Variants in KLHL25 observed in about 807,000 individuals in gnomAD.
KLHL25 encodes the protein kelch-like protein 25.
KLHL25 carries 41 observed loss-of-function variants against 30.0 expected under a neutral mutation model. The ratio of observed to expected loss-of-function variants is 1.37; its 90% CI spans 1.07 to 1.78. The LOEUF is 1.78. Among genes scored for constraint, KLHL25 ranks in the 40% most tolerant of loss-of-function variants. The probability of loss-of-function intolerance (pLI) is 0.00; values close to 1 mark genes in which losing one functional copy is unlikely to be tolerated. For synonymous variants in KLHL25, 399 were observed against 355.3 expected, an observed-to-expected ratio of 1.12 and a Z score of -1.38; for missense variants, 971 against 824.5, an observed-to-expected ratio of 1.18 and a Z score of -2.18.
At chr15:85,767,014 A>T (rs2089629762) in intron 2 of KLHL25, among the ~76,000 whole-genome samples, 1 of 139,668 alleles carries the variant, frequency 7.2e-6, no homozygotes, top group African/African-American at 2.7e-5. Context: ...TTTTTTTGAG[A>T]CGGAGTCTCA....
In KLHL25 at chr15:85,769,009, C is replaced by A. The variant is rs1473388854; in HGVS notation, c.802G>T (p.Glu268Ter). Residue 268 changes from glutamate (E) to a stop codon, truncating the protein, a stop_gained, in exon 2 of 3, where the codon GAG becomes TAG. Transcript: ENST00000337975. LOFTEE classifies it high-confidence loss of function. Reference protein sequence around the residue: ...ADERTKLIMDEALRCKTRILQ... With the variant: ...ADERTKLIMD ...ATCCTGGTCTTGCAGCGCAGGGCCT[C>A]ATCCATGATAAGCTTGGTGCGCTCG... 3.7e-6 allele frequency: 6 copies of A among 1,611,422 alleles called. No individual in the cohort carries two copies. The highest frequency in any genetic ancestry group is 4.2e-6 in the Non-Finnish European group (5 of 1,179,594).
At chr15:85,766,536 C>T (rs542993562) in intron 2 of KLHL25, among the ~76,000 whole-genome samples, 3 of 152,216 alleles carry the variant, frequency 2.0e-5, no homozygotes, top group Non-Finnish European at 4.4e-5. Context: ...GGGAAGACCC[C>T]GCCCCCAGCT....
Position 85,768,863 on chromosome 15 carries a change from CT to C in KLHL25, c.947del (p.Lys316ArgfsTer29), listed in dbSNP as rs765151928. 1 of 1,613,360 alleles carries C rather than the reference CT, an allele frequency of 6.2e-7. No individual in the cohort carries two copies. Among genetic ancestry groups the C allele is most frequent in the South Asian group, 1.1e-5 (1 of 91,088 alleles). ...CGGCCTTGGGGATGATCTCCTTGGC[CT>C]TGTGGTCCACCTGGTAGATCTTGTC... is the stretch of plus-strand genomic sequence containing the variant. ...MCDKIYQVDHKAKEIIPKADL... is the reference protein window; with the variant it reads ...MCDKIYQVDHXAKEIIPKADL... On this transcript the variant is annotated frameshift_variant, in exon 2 of 3. Coordinates refer to ENST00000337975, the MANE Select transcript of KLHL25 (RefSeq NM_022480.4). LOFTEE classifies it high-confidence loss of function.
At chr15:85,777,740 C>T (rs984637772) in intron 1 of KLHL25, among the ~76,000 whole-genome samples, 4 of 152,168 alleles carry the variant, frequency 2.6e-5, no homozygotes, top group Admixed American at 6.5e-5. Flanking sequence ...CGGTGCACCA[C>T]GCTGGGCCCT....
At chr15:85,780,848 C>T (rs1209453337) in intron 1 of KLHL25, among the ~76,000 whole-genome samples, 1 of 152,224 alleles carries the variant, frequency 6.6e-6, no homozygotes, top group African/African-American at 2.4e-5. Flanking sequence ...TGCATGTGCC[C>T]TCTGCCCCAG....
chr15:85,763,822 G>C (rs1469537374), intron 2 of KLHL25: 1 of 152,320 alleles, frequency 6.6e-6, no homozygotes, highest in Non-Finnish European at 1.5e-5. Context: ...AGTAGCGTCA[G>C]GGAGGGAAAC....
At chr15:85,790,930 G>A (rs1404983751) in intron 1 of KLHL25, among the ~76,000 whole-genome samples, 2 of 151,680 alleles carry the variant, frequency 1.3e-5, no homozygotes, top group East Asian at 1.9e-4. Flanking sequence ...GGCCAGGTGC[G>A]GTGGCTCACA....
At chr15:85,761,968 A>C (rs1469968962) in intron 2 of KLHL25, 1 of 152,286 alleles carries the variant, frequency 6.6e-6, no homozygotes, top group African/African-American at 2.4e-5. Flanking sequence ...CACTGAAGCC[A>C]GCACTGAGGC....
chr15:85,793,408 T>C (rs2151814846), intron 1 of KLHL25, among the ~76,000 whole-genome samples: 1 of 152,260 alleles, frequency 6.6e-6, no homozygotes, highest in African/African-American at 2.4e-5. Context: ...TACGTCAACC[T>C]TCACAGGCAC....
At chr15:85,791,360 T>C (rs1356622891) in intron 1 of KLHL25, among the ~76,000 whole-genome samples, 2 of 151,918 alleles carry the variant, frequency 1.3e-5, no homozygotes, top group Non-Finnish European at 2.9e-5. Context: ...CCAGGCATGG[T>C]GGTGTGTGCC....
chr15:85,768,374 G>A lies in KLHL25; in HGVS notation c.1437C>T (p.Pro479=). The A allele has an allele frequency of 1.9e-6, 3 of 1,613,758 alleles. No homozygotes were observed. The highest frequency in any genetic ancestry group is 2.5e-6 in the Non-Finnish European group (3 of 1,180,026). ...ENRWTIKAEC[P]QPWRYTAAAV... is the part of the protein sequence containing the mutation. ...CAGCGGCTGTGTACCGCCAAGGCTG[G>A]GGGCACTCGGCCTTGATCGTCCACC... Residue 479 remains proline, a synonymous_variant, in exon 2 of 3, where the codon CCC becomes CCT. Transcript: ENST00000337975.
At chr15:85,770,527 G>T in intron 1 of KLHL25, 1 of 534,446 alleles carries the variant, frequency 1.9e-6, no homozygotes, top group Non-Finnish European at 3.8e-6. Flanking sequence ...GCTCAGTGGA[G>T]ACATGTTCTC....
At chr15:85,788,056 C>CAAAAAAAAAAA (rs60547525) in intron 1 of KLHL25, among the ~76,000 whole-genome samples, 10 of 58,298 alleles carry the variant, frequency 1.7e-4, no homozygotes, top group Non-Finnish European at 2.8e-4. Context: ...AACTAGATCT[C>CAAAAAAAAAAA]AAAAAAAAAA....
At chr15:85,787,013 A>G (rs2089785488) in intron 1 of KLHL25, among the ~76,000 whole-genome samples, 1 of 152,144 alleles carries the variant, frequency 6.6e-6, no homozygotes, top group African/African-American at 2.4e-5. Context: ...CACTCAATAA[A>G]CTTTGATCTT....
chr15:85,786,187 C>A (rs573108240), intron 1 of KLHL25, among the ~76,000 whole-genome samples: 125 of 152,300 alleles, frequency 8.2e-4, no homozygotes, highest in African/African-American at 2.9e-3. Context: ...CCATTGTCCC[C>A]TTGGTTACCC....
At position 85,779,791 on chromosome 15, in the gene KLHL25, G is replaced by A. The variant is rs900187683; in HGVS notation, c.-10-9971C>T. 2.6e-5 allele frequency among the ~76,000 whole-genome samples: 4 copies of A among 152,306 alleles called. No individual in the cohort carries two copies. In the East Asian group the frequency reaches 7.7e-4, roughly 29 times the overall value. ...TCAGGAACCTTAGTCTAGTGTCTTT[G>A]TGGTTGTCAACTGTAAATTGTAATG... On this transcript the variant is annotated intron_variant, in intron 1 of 2. Coordinates refer to ENST00000337975, the MANE Select transcript of KLHL25 (RefSeq NM_022480.4).
chr15:85,772,472 T>A (rs2089682723), intron 1 of KLHL25, among the ~76,000 whole-genome samples: 1 of 152,142 alleles, frequency 6.6e-6, no homozygotes, highest in East Asian at 1.9e-4. Flanking sequence ...ACACTCCAAG[T>A]GTGGGGTGAG....
intron 1 of KLHL25, among the ~76,000 whole-genome samples, chr15:85,788,675 G>A (rs1003154765): frequency 6.6e-6 from 1 of 152,186 alleles, no homozygotes; most frequent in Non-Finnish European, 1.5e-5. Context: ...ATCAGACGCT[G>A]AGCTCCCAAG....
At chr15:85,781,217 C>A (rs564318144) in intron 1 of KLHL25, among the ~76,000 whole-genome samples, 1 of 152,278 alleles carries the variant, frequency 6.6e-6, no homozygotes, top group Non-Finnish European at 1.5e-5. Context: ...TATCAATGAA[C>A]TTTTGTACTC....
Sources: allele counts gnomAD v4.1 joint callset (sites outside exome capture counted in the v4.1 genomes callset), GRCh38; gene constraint gnomAD v4.1.1; transcripts MANE v1.5; gene names NCBI Gene and HGNC (gene_info 2026-07-23, HGNC 2026-07-21).